PLD5: variants seen among roughly 807,000 people sequenced by gnomAD.
PLD5 encodes phospholipase D family member 5, also known as inactive phospholipase D5.
Under a neutral mutation model 61.1 loss-of-function variants are expected in PLD5, and 36 were observed. The observed-to-expected ratio is 0.59, with a 90% CI of 0.45 to 0.78. The LOEUF (loss-of-function observed/expected upper bound fraction) is 0.78. PLD5 is among the 30% of genes least tolerant of loss of function. The pLI, the probability that PLD5 is intolerant of heterozygous loss-of-function variation, is 0.00. For missense variants in PLD5, 515 were observed against 644.4 expected, an observed-to-expected ratio of 0.80 and a Z score of 2.17; for synonymous variants, 243 against 242.8, an observed-to-expected ratio of 1.00 and a Z score of -0.01.
intron 1 of PLD5, among the ~76,000 whole-genome samples, chr1:242,410,108 AGG>A (rs1314913808): frequency 3.9e-5 from 6 of 152,138 alleles, no homozygotes; most frequent in Middle Eastern, 3.2e-3. Context: ...AACTGCTGTT[AGG>A]GGGTTTTGGG....
chr1:242,212,840 G>A (rs1234842893), intron 5 of PLD5, among the ~76,000 whole-genome samples: 1 of 152,132 alleles, frequency 6.6e-6, no homozygotes, highest in African/African-American at 2.4e-5. Flanking sequence ...TCTGATAATG[G>A]CCACCGTTAT....
chr1:242,224,027 G>A (rs184979811), intron 4 of PLD5, among the ~76,000 whole-genome samples: 147 of 152,214 alleles, frequency 9.7e-4, no homozygotes, highest in African/African-American at 3.3e-3. Flanking sequence ...ATTAGGAAGC[G>A]ATGGTTAAAA....
intron 5 of PLD5, 150 bp from the exon 6 acceptor site, chr1:242,124,815 G>A: frequency 1.6e-6 from 1 of 633,092 alleles, no homozygotes; most frequent in East Asian, 2.8e-5. Flanking sequence ...GGTACATAGA[G>A]GTGATATGTT....
intron 2 of PLD5, among the ~76,000 whole-genome samples, chr1:242,318,280 G>A (rs530102122): frequency 6.6e-6 from 1 of 152,258 alleles, no homozygotes; most frequent in Non-Finnish European, 1.5e-5. Flanking sequence ...GGCCTGCAGA[G>A]GGCATGTTCT....
chr1:242,325,138 A>G (rs1658666619), intron 2 of PLD5, among the ~76,000 whole-genome samples: 1 of 152,100 alleles, frequency 6.6e-6, no homozygotes, highest in Non-Finnish European at 1.5e-5. Context: ...AGTGCTGTGA[A>G]ATGTGTACTG....
chr1:242,474,341 T>G (rs1462854260), intron 1 of PLD5, among the ~76,000 whole-genome samples: 11 of 152,182 alleles, frequency 7.2e-5, no homozygotes, highest in Admixed American at 7.2e-4. Context: ...TCTTCTATGT[T>G]CAGCTGGTGG....
rs868004617 is a variant in PLD5, at chr1:242,395,005, G to A, written c.190-46763C>T. 9.1e-3 allele frequency among the ~76,000 whole-genome samples: 625 copies of A among 69,056 alleles called. 2 individuals carry two copies. The highest frequency in any genetic ancestry group is 0.013 in the Middle Eastern group (2 of 150). The allele number at this position is 69,056 out of a possible 152,430, so 45.3% of individuals were successfully genotyped here. On this transcript the variant is annotated intron_variant, in intron 1 of 9. Coordinates refer to ENST00000536534, the MANE Select transcript of PLD5 (RefSeq NM_001372062.1). ...TATATATGAATATATATGTATATAT[G>A]AATATATATGAATATATATGTATAT... is the stretch of plus-strand genomic sequence containing the variant.
upstream of PLD5, among the ~76,000 whole-genome samples, chr1:242,525,163 T>C (rs537412245): frequency 4.0e-5 from 6 of 150,934 alleles, no homozygotes; most frequent in Non-Finnish European, 7.4e-5. Context: ...CCCCTGAAAA[T>C]AGCCGAGAGA....
chr1:242,240,929 A>C (rs1671959538), intron 4 of PLD5, among the ~76,000 whole-genome samples: 1 of 152,224 alleles, frequency 6.6e-6, no homozygotes, highest in Non-Finnish European at 1.5e-5. Context: ...CATTCTGGGA[A>C]GAGAACTGGG....
At chr1:242,330,252 G>T (rs1574745357) in intron 2 of PLD5, among the ~76,000 whole-genome samples, 1 of 152,060 alleles carries the variant, frequency 6.6e-6, no homozygotes, top group Non-Finnish European at 1.5e-5. Flanking sequence ...TTGTTTAATG[G>T]CTCCCAGTTA....
At chr1:242,126,517 G>A (rs1403694857) in intron 5 of PLD5, among the ~76,000 whole-genome samples, 3 of 152,188 alleles carry the variant, frequency 2.0e-5, no homozygotes, top group East Asian at 3.8e-4. Flanking sequence ...AATACTTACA[G>A]CCAACTGATC....
At chr1:242,287,345 C>G (rs1404474286) in intron 3 of PLD5, among the ~76,000 whole-genome samples, 2 of 152,146 alleles carry the variant, frequency 1.3e-5, no homozygotes, top group Non-Finnish European at 2.9e-5. Flanking sequence ...TTCTTTAAAC[C>G]ACTATATTTT....
chr1:242,512,413 C>T (rs1337622599), intron 1 of PLD5, among the ~76,000 whole-genome samples: 1 of 81,070 alleles, frequency 1.2e-5, no homozygotes, highest in East Asian at 2.4e-4. Flanking sequence ...GAGACTCCAT[C>T]TCAAAAAAAA....
intron 1 of PLD5, among the ~76,000 whole-genome samples, chr1:242,433,684 A>C (rs753888813): frequency 4.6e-5 from 7 of 152,322 alleles, no homozygotes; most frequent in Middle Eastern, 3.4e-3. Context: ...GGGTCCAATA[A>C]ATATGTACTA....
chr1:242,288,898 A>G (rs1426387076), intron 2 of PLD5, among the ~76,000 whole-genome samples: 3 of 152,132 alleles, frequency 2.0e-5, no homozygotes, highest in Non-Finnish European at 4.4e-5. Flanking sequence ...CAATTCCTAT[A>G]TAAGATACTA....
intron 4 of PLD5, among the ~76,000 whole-genome samples, chr1:242,264,938 A>G (rs934890040): frequency 2.6e-5 from 4 of 152,174 alleles, no homozygotes; most frequent in African/African-American, 7.2e-5. Flanking sequence ...GGACCTGACT[A>G]TATTATTTTT....
chr1:242,163,831 A>G (rs1369613453), intron 5 of PLD5, among the ~76,000 whole-genome samples: 1 of 152,166 alleles, frequency 6.6e-6, no homozygotes, highest in South Asian at 2.1e-4. Context: ...AGAGACGGGT[A>G]ACAAGGGTCA....
chr1:242,391,329 A>G (rs10082201), intron 1 of PLD5, among the ~76,000 whole-genome samples: 33,200 of 152,186 alleles, frequency 0.22, 3,819 homozygotes, highest in African/African-American at 0.29. Context: ...TACAGTGATC[A>G]TTATTTCAGT....
chr1:242,431,320 C>T (rs974261410), intron 1 of PLD5, among the ~76,000 whole-genome samples: 1 of 152,210 alleles, frequency 6.6e-6, no homozygotes, highest in African/African-American at 2.4e-5. Flanking sequence ...ACACAGATAT[C>T]TGTTAAGGTG....
Sources: gnomAD v4.1 joint callset for allele counts (sites outside exome capture counted in the v4.1 genomes callset) on GRCh38, gnomAD v4.1.1 for gene constraint, MANE v1.5 for transcripts, NCBI Gene and HGNC (gene_info 2026-07-23, HGNC 2026-07-21) for gene names.